ABHD5: variants seen among roughly 807,000 people sequenced by gnomAD.
ABHD5 encodes the protein 1-acylglycerol-3-phosphate O-acyltransferase ABHD5.
In ABHD5, 30 loss-of-function variants were observed where a neutral mutation model predicts 44.9. The observed-to-expected ratio is 0.67, with a 90% CI of 0.50 to 0.91. The LOEUF (loss-of-function observed/expected upper bound fraction) is 0.91. Among genes scored for constraint, ABHD5 ranks in the 40% least tolerant of loss-of-function variants. The pLI is 0.00. For synonymous variants in ABHD5, 167 were observed against 147.0 expected, an observed-to-expected ratio of 1.14 and a Z score of -0.99; for missense variants, 399 against 423.4, an observed-to-expected ratio of 0.94 and a Z score of 0.50.
chr3:43,702,371 A>C lies in ABHD5; in HGVS notation c.290A>C (p.Asp97Ala), dbSNP rs573986214. The C allele has an allele frequency of 6.2e-7, 1 of 1,614,136 alleles. No individual in the cohort carries two copies. The highest frequency in any genetic ancestry group is 1.3e-5 in the African/African-American group (1 of 75,034). Reference protein sequence around the residue: ...GLGLWALNFGDLCTNRPVYAF... With the variant: ...GLGLWALNFGALCTNRPVYAF... ...GGGCTCTGGGCACTGAATTTTGGAG[A>C]TCTTTGCACCAACAGACCTGTCTAT... is the stretch of plus-strand genomic sequence containing the variant. Residue 97 changes from aspartate (D) to alanine (A), a missense_variant, in exon 3 of 7, where the codon GAT becomes GCT. Coordinates refer to ENST00000644371, the MANE Select transcript of ABHD5 (RefSeq NM_016006.6).
In ABHD5 at chr3:43,718,452, G is replaced by T; in HGVS notation, c.970G>T (p.Gly324Trp). 6.2e-7 allele frequency: 1 copy of T among 1,613,744 alleles called. No homozygotes were observed. Among genetic ancestry groups the T allele is most frequent in the Non-Finnish European group, 8.5e-7 (1 of 1,179,890 alleles). Residue 324 changes from glycine to tryptophan, a missense_variant, in exon 7 of 7, where the codon GGG becomes TGG. Coordinates refer to ENST00000644371, the MANE Select transcript of ABHD5 (RefSeq NM_016006.6). ...HSYVKTIAIL[G>W]AGHYVYADQP... ...GCTTTTCCTTATCCAGGCTATTCTT[G>T]GGGCAGGACATTATGTATATGCAGA...
chr3:43,712,189 C>T (rs1052694118), intron 4 of ABHD5, among the ~76,000 whole-genome samples: 2 of 152,114 alleles, frequency 1.3e-5, no homozygotes, highest in Non-Finnish European at 2.9e-5. Flanking sequence ...AGGACCTCTG[C>T]TAGTCCAGGG....
intron 7 of ABHD5, among the ~76,000 whole-genome samples, chr3:43,733,724 C>T (rs191931106): frequency 1.6e-4 from 24 of 152,240 alleles, no homozygotes; most frequent in East Asian, 5.8e-4. Context: ...AGGAGAAAAA[C>T]GTATTTGGGG....
chr3:43,705,814 T>TTTGGTC (rs1291140391), intron 3 of ABHD5, among the ~76,000 whole-genome samples: 1 of 152,174 alleles, frequency 6.6e-6, no homozygotes, highest in Admixed American at 6.5e-5. Context: ...TTTGGTGCCC[T>TTTGGTC]TTGGTCTTGC....
intron 7 of ABHD5, among the ~76,000 whole-genome samples, chr3:43,727,937 C>T (rs765817320): frequency 1.4e-4 from 22 of 152,092 alleles, no homozygotes; most frequent in Non-Finnish European, 2.5e-4. Context: ...AAGAATGAGG[C>T]CCCAAATGTA....
chr3:43,706,039 C>T (rs1424087518), intron 3 of ABHD5, among the ~76,000 whole-genome samples: 1 of 152,038 alleles, frequency 6.6e-6, no homozygotes, highest in Non-Finnish European at 1.5e-5. Context: ...TATAGCAAAC[C>T]TCATATTAAG....
chr3:43,721,486 G>A lies in ABHD5; in HGVS notation c.*2954G>A, dbSNP rs1007994137. The A allele has an allele frequency of 1.3e-5, 2 of 151,636 alleles. No individual in the cohort carries two copies. Among genetic ancestry groups the A allele is most frequent in the African/African-American group, 4.8e-5 (2 of 41,246 alleles). 9.4% of individuals were successfully genotyped at this position (151,636 alleles called of 1,614,324 possible). On this transcript the variant is annotated 3_prime_UTR_variant, in exon 7 of 7. Coordinates refer to ENST00000644371, the MANE Select transcript of ABHD5 (RefSeq NM_016006.6). ...TCATGGCTGTAATCCCAGCATTTTG[G>A]GAGGCTGAGGCAGAAGGACTGCTTG... is the stretch of plus-strand genomic sequence containing the variant.
downstream of ABHD5, among the ~76,000 whole-genome samples, chr3:43,725,049 G>A (rs1273685510): frequency 6.6e-6 from 1 of 152,156 alleles, no homozygotes; most frequent in Non-Finnish European, 1.5e-5. Flanking sequence ...CCAGATTAGG[G>A]GAAGTAGGAC....
intron 2 of ABHD5, among the ~76,000 whole-genome samples, chr3:43,701,115 G>A (rs1049158177): frequency 6.6e-6 from 1 of 152,208 alleles, no homozygotes; most frequent in African/African-American, 2.4e-5. Context: ...TGTCAGACAT[G>A]AAAGTAAGCT....
At chr3:43,709,268 G>A (rs1272922321) in intron 3 of ABHD5, among the ~76,000 whole-genome samples, 1 of 151,478 alleles carries the variant, frequency 6.6e-6, no homozygotes, top group African/African-American at 2.4e-5. Context: ...CAGTAGAATT[G>A]AGCAATTGTA....
chr3:43,702,986 G>C (rs1477404065), intron 3 of ABHD5, among the ~76,000 whole-genome samples: 1 of 152,088 alleles, frequency 6.6e-6, no homozygotes, highest in African/African-American at 2.4e-5. Flanking sequence ...AGGTACTAGT[G>C]CTAGCTCTAT....
chr3:43,725,336 T>G (rs913738553), downstream of ABHD5, among the ~76,000 whole-genome samples: 4 of 152,218 alleles, frequency 2.6e-5, no homozygotes, highest in Non-Finnish European at 5.9e-5. Context: ...CTGAAATAAT[T>G]CCTTAATTTT....
At position 43,720,522 on chromosome 3, in the gene ABHD5, G is replaced by A. The variant is rs1025550986; in HGVS notation, c.*1990G>A. On this transcript the variant is annotated 3_prime_UTR_variant, in exon 7 of 7. Coordinates refer to ENST00000644371, the MANE Select transcript of ABHD5 (RefSeq NM_016006.6). The stretch of plus-strand genomic sequence containing the variant: ...TTTTAAAGTTAGATTTTACCCTGAG[G>A]TATAGTATATGTAATTTTGTGAAGA... 1.3e-5 allele frequency: 2 copies of A among 152,122 alleles called. No homozygotes were observed. Among genetic ancestry groups the A allele is most frequent in the African/African-American group, 4.8e-5 (2 of 41,418 alleles). The allele number at this position is 152,122 out of a possible 1,614,324, so 9.4% of individuals were successfully genotyped here. A position where few individuals can be genotyped will look rare whatever the true frequency, so the allele number is the denominator to read the frequency against.
chr3:43,727,602 TTTTG>T (rs139096338), downstream of ABHD5, among the ~76,000 whole-genome samples: 1,446 of 152,148 alleles, frequency 9.5e-3, 21 homozygotes, highest in African/African-American at 0.032. Flanking sequence ...TACTACTGTT[TTTTG>T]TTTGTTTGTT....
Position 43,699,286 on chromosome 3 carries a change from C to G in ABHD5, c.58C>G (p.Leu20Val). 6.2e-7 allele frequency: 1 copy of G among 1,613,970 alleles called. No homozygotes were observed. The highest frequency in any genetic ancestry group is 8.5e-7 in the Non-Finnish European group (1 of 1,179,866). ...SADTGERSGW[L>V]TGWLPTWCPT... ...TTTTTGGTGCTCTAGGTCAGGATGG[C>G]TAACTGGTTGGCTCCCCACATGGTG... is the stretch of plus-strand genomic sequence containing the variant. The change falls in exon 2 of 7, where the codon CTA (leucine) becomes GTA (valine). Residue 20 changes from leucine to valine, a missense_variant. Leu to Val is a conservative substitution (Grantham distance 32, BLOSUM62 1). Transcript: ENST00000644371.
intron 4 of ABHD5, among the ~76,000 whole-genome samples, chr3:43,714,375 C>T (rs374269057): frequency 2.6e-5 from 4 of 152,096 alleles, no homozygotes; most frequent in South Asian, 2.1e-4. Context: ...CCTTGTGATC[C>T]GCCCACCTCG....
intron 4 of ABHD5, 41 bp from the exon 5 acceptor site, chr3:43,714,906 A>G (rs542804343): frequency 7.7e-6 from 11 of 1,426,682 alleles, no homozygotes; most frequent in Middle Eastern, 1.8e-4. Flanking sequence ...TAAGTTAACT[A>G]TAATTTAAAA....
At chr3:43,712,107 T>TGA (rs1375200907) in intron 4 of ABHD5, among the ~76,000 whole-genome samples, 1 of 152,182 alleles carries the variant, frequency 6.6e-6, no homozygotes, top group Non-Finnish European at 1.5e-5. Flanking sequence ...GAGGGAATGC[T>TGA]GAGGATAAGG....
intron 4 of ABHD5, among the ~76,000 whole-genome samples, chr3:43,713,778 G>A (rs2084719776): frequency 6.6e-6 from 1 of 152,178 alleles, no homozygotes; most frequent in Non-Finnish European, 1.5e-5. Flanking sequence ...AGTATGAAGA[G>A]AAATTAGGAG....
Sources: gnomAD v4.1 joint callset for allele counts (sites outside exome capture counted in the v4.1 genomes callset) on GRCh38, gnomAD v4.1.1 for gene constraint, MANE v1.5 for transcripts, NCBI Gene and HGNC (gene_info 2026-07-23, HGNC 2026-07-21) for gene names.